RELN: variants seen among roughly 807,000 people sequenced by gnomAD.
The protein encoded by RELN is reelin.
A neutral mutation model predicts 427.6 loss-of-function variants in RELN; 108 were observed. The ratio of observed to expected loss-of-function variants is 0.25; its 90% CI spans 0.22 to 0.30. The LOEUF (loss-of-function observed/expected upper bound fraction) is 0.30, where lower values mean the gene tolerates loss of function less well. Among genes scored for constraint, RELN ranks in the 10% least tolerant of loss-of-function variants. RELN has a pLI of 1.00. For missense variants in RELN, 3,715 were observed against 4,302.8 expected, an observed-to-expected ratio of 0.86 and a Z score of 3.82; for synonymous variants, 1,524 against 1,513.4, an observed-to-expected ratio of 1.01 and a Z score of -0.16.
At chr7:103,745,443 G>A (rs1281126737) in intron 6 of RELN, among the ~76,000 whole-genome samples, 1 of 148,804 alleles carries the variant, frequency 6.7e-6, no homozygotes, top group East Asian at 1.9e-4. Flanking sequence ...AGGAAATAAA[G>A]GGTATTCAAT....
chr7:103,798,128 T>C (rs917270949), intron 3 of RELN, among the ~76,000 whole-genome samples: 1 of 152,200 alleles, frequency 6.6e-6, no homozygotes, highest in Non-Finnish European at 1.5e-5. Context: ...ACAGTACTAC[T>C]CACTGCCTTT....
chr7:103,736,837 T>C (rs748356658), intron 6 of RELN, among the ~76,000 whole-genome samples: 1 of 152,146 alleles, frequency 6.6e-6, no homozygotes, highest in Non-Finnish European at 1.5e-5. Flanking sequence ...ATTTTATTAG[T>C]TGGACACCCC....
chr7:103,633,134 G>A (rs1832507452), intron 19 of RELN, among the ~76,000 whole-genome samples: 1 of 152,046 alleles, frequency 6.6e-6, no homozygotes, highest in Non-Finnish European at 1.5e-5. Flanking sequence ...TCATAGGCAA[G>A]CAAATTATTT....
intron 2 of RELN, among the ~76,000 whole-genome samples, chr7:103,853,602 C>T (rs2116470642): frequency 6.6e-6 from 1 of 151,994 alleles, no homozygotes; most frequent in African/African-American, 2.4e-5. Context: ...GGAATTATTT[C>T]ACCTACAGTT....
chr7:103,492,215 G>C (rs1828697227), intron 57 of RELN, among the ~76,000 whole-genome samples, 189 bp from the exon 58 acceptor site: 1 of 152,022 alleles, frequency 6.6e-6, no homozygotes, highest in African/African-American at 2.4e-5. Context: ...TTTGCATGGA[G>C]ATAAAAATAA....
chr7:103,652,770 A>C lies in RELN; in HGVS notation c.1555-11T>G, dbSNP rs986504029. On this transcript the variant is annotated splice_polypyrimidine_tract_variant and intron_variant, in intron 13 of 64. Coordinates refer to ENST00000428762, the MANE Select transcript of RELN (RefSeq NM_005045.4). Reference sequence around the variant, plus strand: ...AACCAAAGACGGAACCTTTCAAACAAAGGAGACCAGAATCACTCAAAATCC... The same window carrying C: ...AACCAAAGACGGAACCTTTCAAACACAGGAGACCAGAATCACTCAAAATCC... 5 of 1,611,386 alleles carry C rather than the reference A, an allele frequency of 3.1e-6. No individual in the cohort carries two copies. In the African/African-American group the frequency reaches 6.7e-5, roughly 22 times the overall value.
intron 4 of RELN, among the ~76,000 whole-genome samples, chr7:103,759,053 T>G (rs1471155896): frequency 6.6e-6 from 1 of 152,086 alleles, no homozygotes; most frequent in Non-Finnish European, 1.5e-5. Flanking sequence ...CTTAAACATG[T>G]TAAGAATAAA....
intron 13 of RELN, 72 bp from the exon 14 acceptor site, chr7:103,652,831 G>A: frequency 1.4e-6 from 2 of 1,388,406 alleles, no homozygotes. Flanking sequence ...TCCTAGATTT[G>A]ACCTAATGAA....
intron 16 of RELN, 27 bp downstream of exon 16, chr7:103,650,247 G>C (rs1297127564): frequency 7.7e-7 from 1 of 1,297,110 alleles, no homozygotes; most frequent in Non-Finnish European, 1.1e-6. Flanking sequence ...TCAATGGCAT[G>C]TGATTATGAC....
chr7:103,737,259 T>C (rs1390465580), intron 6 of RELN, among the ~76,000 whole-genome samples: 1 of 152,228 alleles, frequency 6.6e-6, no homozygotes, highest in African/African-American at 2.4e-5. Flanking sequence ...GAAAGGTTTA[T>C]GCTCCCTTTC....
chr7:103,709,452 A>G (rs1789735863), intron 8 of RELN, among the ~76,000 whole-genome samples: 1 of 152,208 alleles, frequency 6.6e-6, no homozygotes, highest in African/African-American at 2.4e-5. Context: ...CATAATAACC[A>G]TGTTTTTAGC....
chr7:103,764,834 CA>C (rs545236187), intron 4 of RELN, among the ~76,000 whole-genome samples: 3,920 of 52,570 alleles, frequency 0.075, 64 homozygotes, highest in African/African-American at 0.12. Flanking sequence ...AGACTCCTCT[CA>C]AAAAAAAAAA....
At position 103,522,050 on chromosome 7, in the gene RELN, G is replaced by A. The variant is rs770539689; in HGVS notation, c.7640C>T (p.Ala2547Val). 6.2e-6 allele frequency: 10 copies of A among 1,613,980 alleles called. No individual in the cohort carries two copies. The highest frequency in any genetic ancestry group is 3.3e-5 in the Admixed American group (2 of 60,012). Residue 2547 changes from alanine to valine, a missense_variant, in exon 48 of 65, where the codon GCG (alanine) becomes GTG (valine). Physicochemically the swap from Ala to Val is moderately conservative, Grantham distance 64. Transcript: ENST00000428762. ...GKLSTVCGAV[A>V]SGMALHFSGG... is the part of the protein sequence containing the mutation. ...ACTGAAATGGAGAGCCATTCCCGAC[G>A]CCACGGCTCCACACACTGTACTCAA...
intron 2 of RELN, among the ~76,000 whole-genome samples, chr7:103,846,870 G>A (rs1265006850): frequency 1.8e-5 from 2 of 112,754 alleles, no homozygotes; most frequent in Non-Finnish European, 3.7e-5. Context: ...GCCACAGTGC[G>A]ATGCCATCTC....
intron 20 of RELN, among the ~76,000 whole-genome samples, chr7:103,621,880 G>T (rs1832226569): frequency 1.3e-5 from 2 of 152,128 alleles, no homozygotes; most frequent in African/African-American, 4.8e-5. Flanking sequence ...GCCATGTGTG[G>T]TGGCAGGCGC....
intron 1 of RELN, among the ~76,000 whole-genome samples, chr7:103,943,287 TA>T (rs1317762803): frequency 1.3e-5 from 2 of 152,168 alleles, no homozygotes; most frequent in Non-Finnish European, 2.9e-5. Flanking sequence ...CCACTTGTAT[TA>T]AAATTGTGAC....
At chr7:103,508,395 C>T (rs1482304415) in intron 51 of RELN, among the ~76,000 whole-genome samples, 1 of 152,102 alleles carries the variant, frequency 6.6e-6, no homozygotes, top group Non-Finnish European at 1.5e-5. Flanking sequence ...ATATAAATGA[C>T]AAAAATGCCA....
chr7:103,904,047 C>T (rs1795140975), intron 2 of RELN, among the ~76,000 whole-genome samples: 1 of 152,054 alleles, frequency 6.6e-6, no homozygotes. Context: ...TTGTTCCCCT[C>T]CCTGTGTCCA....
At chr7:103,985,965 C>CACAAA (rs1333602012) in intron 1 of RELN, among the ~76,000 whole-genome samples, 3 of 151,908 alleles carry the variant, frequency 2.0e-5, no homozygotes, top group Non-Finnish European at 2.9e-5. Flanking sequence ...CTTTCTACCA[C>CACAAA]ACAAAACAAA....
Sources: allele counts gnomAD v4.1 joint callset (sites outside exome capture counted in the v4.1 genomes callset), GRCh38; gene constraint gnomAD v4.1.1; transcripts MANE v1.5; gene names NCBI Gene and HGNC (gene_info 2026-07-23, HGNC 2026-07-21).